Variants in MS4A2 observed in about 807,000 individuals in gnomAD.
The protein encoded by MS4A2 is high affinity immunoglobulin epsilon receptor subunit beta.
Under a neutral mutation model 27.9 loss-of-function variants are expected in MS4A2, and 26 were observed. The observed-to-expected ratio is 0.93, with a 90% CI of 0.68 to 1.29. The LOEUF is 1.29. MS4A2 is among the 50% of genes most tolerant of loss of function. MS4A2 has a pLI of 0.00. For missense variants in MS4A2, 284 were observed against 284.6 expected (o/e 1.00, Z 0.01); for synonymous variants, 110 against 98.8 (o/e 1.11, Z -0.67).
chr11:60,089,445 T>C (rs1163246861), intron 1 of MS4A2, among the ~76,000 whole-genome samples: 1 of 152,212 alleles, frequency 6.6e-6, no homozygotes, highest in Non-Finnish European at 1.5e-5. Flanking sequence ...AACACTGGAT[T>C]AAGAATAGGA....
rs1855805348 is a variant in MS4A2 at position 60,093,446 on chromosome 11, G to T, written c.425G>T (p.Gly142Val). 3.7e-6 allele frequency: 6 copies of T among 1,614,186 alleles called. No individual in the cohort carries two copies. In the African/African-American group the frequency reaches 6.7e-5, roughly 18 times the overall value. Residue 142 changes from glycine to valine, a missense_variant, in exon 5 of 7, where the codon GGA (glycine) becomes GTA (valine). By Grantham distance (109) the Gly-to-Val change is moderately radical. Coordinates refer to ENST00000278888, the MANE Select transcript of MS4A2 (RefSeq NM_000139.5). ...AACACTGCCAGCAGCATAGCTGGGGGAACGGGAATTACCATCCTGATCATC... is the reference window on the plus strand; with the variant it reads ...AACACTGCCAGCAGCATAGCTGGGGTAACGGGAATTACCATCCTGATCATC... ...GANTASSIAGGTGITILIINL... is the reference protein window; with the variant it reads ...GANTASSIAGVTGITILIINL...
At chr11:60,090,659 G>T (rs909728320) in intron 3 of MS4A2, among the ~76,000 whole-genome samples, 189 bp downstream of exon 3, 1 of 151,812 alleles carries the variant, frequency 6.6e-6, no homozygotes, top group African/African-American at 2.4e-5. Flanking sequence ...TACAATTAAC[G>T]GTGGGTTAAA....
chr11:60,093,497 TC>T lies in MS4A2; in HGVS notation c.478del (p.His160ThrfsTer23). 6.2e-7 allele frequency: 1 copy of T among 1,614,190 alleles called. No homozygotes were observed. Among genetic ancestry groups the T allele is most frequent in the Non-Finnish European group, 8.5e-7 (1 of 1,180,030 alleles). ...AACCTGAAGAAGAGCTTGGCCTATATCCACATCCACAGTTGCCAGAAATTTT... is the reference window on the plus strand; with the variant it reads ...AACCTGAAGAAGAGCTTGGCCTATATCACATCCACAGTTGCCAGAAATTTT... ...IINLKKSLAYIHIHSCQKFFE... is the reference protein window; with the variant it reads ...IINLKKSLAYXHIHSCQKFFE... On this transcript the variant is annotated frameshift_variant, in exon 5 of 7. Coordinates refer to ENST00000278888, the MANE Select transcript of MS4A2 (RefSeq NM_000139.5). LOFTEE classifies it high-confidence loss of function.
Position 60,088,833 on chromosome 11 carries a change from G to T in MS4A2, c.56+12G>T. 6.2e-7 allele frequency: 1 copy of T among 1,606,328 alleles called. No individual in the cohort carries two copies. Among genetic ancestry groups the T allele is most frequent in the South Asian group, 1.1e-5 (1 of 89,908 alleles). On this transcript the variant is annotated intron_variant, in intron 1 of 6. Transcript: ENST00000278888. ...CAGGAGCCTTCCAGGTAGGTACAAG[G>T]TATTATTTTTTTCTACCCTCAGTCA...
rs766027898 is a variant in MS4A2, at chr11:60,088,823, T to C, written c.56+2T>C. 3 of 1,608,800 alleles carry C rather than the reference T, an allele frequency of 1.9e-6. No homozygotes were observed. The highest frequency in any genetic ancestry group is 2.2e-5 in the South Asian group (2 of 90,200). On this transcript the variant is annotated splice_donor_variant, in intron 1 of 6. Coordinates refer to ENST00000278888, the MANE Select transcript of MS4A2 (RefSeq NM_000139.5). LOFTEE classifies it high-confidence loss of function. ...TGCTCTCCCACAGGAGCCTTCCAGG[T>C]AGGTACAAGGTATTATTTTTTTCTA...
intron 3 of MS4A2, among the ~76,000 whole-genome samples, chr11:60,092,296 CTTTTTT>C: frequency 7.1e-6 from 1 of 139,944 alleles, no homozygotes; most frequent in Admixed American, 7.1e-5. Flanking sequence ...TTCATATACA[CTTTTTT>C]TTTTTTTTTT....
intron 1 of MS4A2, among the ~76,000 whole-genome samples, 164 bp downstream of exon 1, chr11:60,088,985 G>T (rs1203093252): frequency 6.6e-6 from 1 of 152,084 alleles, no homozygotes; most frequent in Non-Finnish European, 1.5e-5. Context: ...TTTCCATGTG[G>T]TTCTCTCTCC....
intron 2 of MS4A2, 115 bp from the exon 3 acceptor site, chr11:60,090,221 C>A: frequency 1.9e-6 from 2 of 1,075,614 alleles, no homozygotes; most frequent in Non-Finnish European, 2.8e-6. Context: ...GATCATTTCT[C>A]AGGACAGTCT....
intron 3 of MS4A2, among the ~76,000 whole-genome samples, chr11:60,091,786 A>G (rs571972567): frequency 6.6e-6 from 1 of 152,080 alleles, no homozygotes; most frequent in African/African-American, 2.4e-5. Context: ...CTTGTTCAGG[A>G]CTCTCCTTGA....
At chr11:60,091,547 G>C (rs551466716) in intron 3 of MS4A2, among the ~76,000 whole-genome samples, 1 of 152,018 alleles carries the variant, frequency 6.6e-6, no homozygotes, top group Non-Finnish European at 1.5e-5. Context: ...TTGTCCTCTC[G>C]TTCCCAAGAA....
chr11:60,093,446 G>A lies in MS4A2; in HGVS notation c.425G>A (p.Gly142Glu). ...GANTASSIAG[G>E]TGITILIINL... ...AACACTGCCAGCAGCATAGCTGGGG[G>A]AACGGGAATTACCATCCTGATCATC... The change falls in exon 5 of 7, where the codon GGA becomes GAA. Residue 142 changes from glycine to glutamate, a missense_variant. Gly to Glu is a moderately conservative substitution (Grantham distance 98). Coordinates refer to ENST00000278888, the MANE Select transcript of MS4A2 (RefSeq NM_000139.5). 6.2e-7 allele frequency: 1 copy of A among 1,614,186 alleles called. No individual in the cohort carries two copies. Among genetic ancestry groups the A allele is most frequent in the South Asian group, 1.1e-5 (1 of 91,082 alleles).
At chr11:60,094,788 A>T (rs2847668) in intron 6 of MS4A2, among the ~76,000 whole-genome samples, 46,983 of 152,122 alleles carry the variant, frequency 0.31, 8,793 homozygotes, top group South Asian at 0.5. Flanking sequence ...TCTTCAATTA[A>T]AACCAAATCT....
intron 6 of MS4A2, 78 bp from the exon 7 acceptor site, chr11:60,095,480 G>A: frequency 2.3e-6 from 2 of 851,374 alleles, no homozygotes; most frequent in Admixed American, 1.8e-5. Context: ...AAAAGTAGAT[G>A]AGGTAAGTCT....
rs939368399 is a variant in MS4A2 at position 60,097,167 on chromosome 11, A to G, written c.*1511A>G. The G allele has an allele frequency of 3.3e-5, 5 of 152,232 alleles. No homozygotes were observed. The highest frequency in any genetic ancestry group is 1.2e-4 in the African/African-American group (5 of 41,456). 9.4% of individuals were successfully genotyped at this position (152,232 alleles called of 1,614,324 possible). A position where few individuals can be genotyped will look rare whatever the true frequency, so the allele number is the denominator to read the frequency against. ...TAGAAGTGAAGCTAAGCTAAACTTC[A>G]CATGCCTATAATTGGAGGGAAAAAC... On this transcript the variant is annotated 3_prime_UTR_variant, in exon 7 of 7. Coordinates refer to ENST00000278888, the MANE Select transcript of MS4A2 (RefSeq NM_000139.5).
chr11:60,095,824 A>G lies in MS4A2; in HGVS notation c.*168A>G, dbSNP rs1391335449. 1 of 641,200 alleles carries G rather than the reference A, an allele frequency of 1.6e-6. No individual in the cohort carries two copies. Among genetic ancestry groups the G allele is most frequent in the African/African-American group, 1.8e-5 (1 of 54,676 alleles). 39.7% of individuals were successfully genotyped at this position (641,200 alleles called of 1,614,324 possible). A position where few individuals can be genotyped will look rare whatever the true frequency, so the allele number is the denominator to read the frequency against. ...GTTTCTGCTGCTTCTGTCCACCTTA[A>G]TATTCTCCTTCTATTTGTAGATATG... is the stretch of plus-strand genomic sequence containing the variant. On this transcript the variant is annotated 3_prime_UTR_variant, in exon 7 of 7. Coordinates refer to ENST00000278888, the MANE Select transcript of MS4A2 (RefSeq NM_000139.5).
At position 60,089,822 on chromosome 11, in the gene MS4A2, G is replaced by C; in HGVS notation, c.186+1G>C. On this transcript the variant is annotated splice_donor_variant, in intron 2 of 6. Transcript: ENST00000278888. LOFTEE classifies it high-confidence loss of function. ...GAAAAAAGAGCAGGAGTTCCTGGGG[G>C]TGAGTGAGCCTCCTCCAACTTTGAC... The C allele has an allele frequency of 6.2e-7, 1 of 1,613,984 alleles. No homozygotes were observed. Among genetic ancestry groups the C allele is most frequent in the Non-Finnish European group, 8.5e-7 (1 of 1,179,972 alleles).
In MS4A2 at chr11:60,092,423, G is replaced by A. The variant is rs963404037; in HGVS notation, c.322-369G>A. On this transcript the variant is annotated intron_variant, in intron 3 of 6. Transcript: ENST00000278888. ...TGATTCTCCTGTCTCAGCCTCCCTA[G>A]TAGCTGGGACTACAGGTGCATGCCA... Among the ~76,000 whole-genome samples, 7 of 151,652 alleles carry A rather than the reference G, an allele frequency of 4.6e-5. No homozygotes were observed. The South Asian group carries it at 1.2e-3, about 27-fold the overall frequency.
intron 6 of MS4A2, among the ~76,000 whole-genome samples, chr11:60,094,510 C>T (rs2070970): frequency 0.31 from 47,016 of 152,186 alleles, 8,805 homozygotes; most frequent in South Asian, 0.5. Flanking sequence ...CCAAATGTTT[C>T]CACTTGCCTC....
intron 6 of MS4A2, among the ~76,000 whole-genome samples, chr11:60,095,278 A>G (rs1855849268): frequency 6.6e-6 from 1 of 152,134 alleles, no homozygotes; most frequent in Non-Finnish European, 1.5e-5. Context: ...AAATAAAAGA[A>G]ATTTAAAAAA....
Sources: allele counts gnomAD v4.1 joint callset (sites outside exome capture counted in the v4.1 genomes callset), GRCh38; gene constraint gnomAD v4.1.1; transcripts MANE v1.5; gene names NCBI Gene and HGNC (gene_info 2026-07-23, HGNC 2026-07-21).